The following NEBL variants were observed in gnomAD, a reference collection of about 807,000 sequenced individuals.
The protein encoded by NEBL is nebulette.
NEBL carries 122 observed loss-of-function variants against 140.2 expected under a neutral mutation model. The ratio of observed to expected loss-of-function variants is 0.87; its 90% CI spans 0.75 to 1.01. The LOEUF (loss-of-function observed/expected upper bound fraction) is 1.01, where lower values mean the gene tolerates loss of function less well. NEBL is among the 50% of genes least tolerant of loss of function. NEBL has a pLI of 0.00. For missense variants in NEBL, 1,365 were observed against 1,231.3 expected, an observed-to-expected ratio of 1.11 and a Z score of -1.62; for synonymous variants, 436 against 398.9, an observed-to-expected ratio of 1.09 and a Z score of -1.11.
At chr10:20,826,703 T>C (rs1454469034) in intron 17 of NEBL, among the ~76,000 whole-genome samples, 164 bp from the exon 18 acceptor site, 1 of 152,194 alleles carries the variant, frequency 6.6e-6, no homozygotes, top group African/African-American at 2.4e-5. Context: ...ATTCAGATAA[T>C]CCATGAAAAC....
intron 2 of NEBL, among the ~76,000 whole-genome samples, chr10:21,033,862 A>G (rs1833902563): frequency 6.6e-6 from 1 of 152,046 alleles, no homozygotes; most frequent in Non-Finnish European, 1.5e-5. Context: ...CTTCAAATAA[A>G]TTATTTCTTT....
At chr10:20,972,436 A>G (rs537632706) in intron 3 of NEBL, among the ~76,000 whole-genome samples, 2 of 152,328 alleles carry the variant, frequency 1.3e-5, no homozygotes, top group South Asian at 4.1e-4. Flanking sequence ...AAAGAGAAAA[A>G]GAAATACAAA....
upstream of NEBL, among the ~76,000 whole-genome samples, chr10:20,898,869 G>C (rs788974): frequency 0.88 from 133,800 of 152,176 alleles, 60,616 homozygotes; most frequent in Non-Finnish European, 0.99. Flanking sequence ...ATGACCGACT[G>C]CTTAGGGAAA....
At chr10:21,125,561 G>A (rs1205189942) in intron 2 of NEBL, among the ~76,000 whole-genome samples, 1 of 152,164 alleles carries the variant, frequency 6.6e-6, no homozygotes, top group Non-Finnish European at 1.5e-5. Flanking sequence ...AGAAGTGGAA[G>A]CCATCACTGT....
At chr10:21,029,528 C>A (rs3858203) in intron 2 of NEBL, 941,444 of 1,607,978 alleles carry the variant, frequency 0.59, 277,028 homozygotes, top group East Asian at 0.71. Context: ...GCACAGGATA[C>A]AGACAGGGAC....
In NEBL at chr10:20,897,179, T is replaced by C; in HGVS notation, c.27A>G (p.Ile9Met). 1.9e-6 allele frequency: 3 copies of C among 1,605,582 alleles called. No individual in the cohort carries two copies. The highest frequency in any genetic ancestry group is 2.6e-6 in the Non-Finnish European group (3 of 1,173,388). Residue 9 changes from isoleucine to methionine, a missense_variant, in exon 1 of 28, where the codon ATA (isoleucine) becomes ATG (methionine). Transcript: ENST00000377122. ...TCTTTTCTTCTTCAGTTTCATCTTT[T>C]ATATCCTCAAATACAGGGACCCTCA... The part of the protein sequence containing the change: MRVPVFED[I>M]KDETEEEKIG...
Position 20,805,671 on chromosome 10 carries a change from G to A in NEBL, c.2761+2839C>T, listed in dbSNP as rs371714152. On this transcript the variant is annotated intron_variant, in intron 26 of 27. Transcript: ENST00000377122. ...AGTTCAAGACCAGCCTGGCCAACAC[G>A]GTGAAACCCCATCTCTACTAAAAAT... Among the ~76,000 whole-genome samples the A allele has an allele frequency of 2.6e-4, 39 of 152,136 alleles. No homozygotes were observed. The South Asian group carries it at 3.7e-3, about 15-fold the overall frequency.
At chr10:20,921,866 C>A (rs1186935306) in intron 4 of NEBL, among the ~76,000 whole-genome samples, 3 of 152,146 alleles carry the variant, frequency 2.0e-5, no homozygotes, top group African/African-American at 7.2e-5. Context: ...CATCCACACA[C>A]TCACATTCAT....
intron 2 of NEBL, among the ~76,000 whole-genome samples, chr10:21,037,360 A>G (rs1404369922): frequency 6.6e-6 from 1 of 152,194 alleles, no homozygotes; most frequent in Non-Finnish European, 1.5e-5. Context: ...CCTGAAAACC[A>G]TTCAAGAGGA....
At chr10:21,183,062 C>T (rs1017103912) in intron 3 of NEBL, among the ~76,000 whole-genome samples, 3 of 152,158 alleles carry the variant, frequency 2.0e-5, no homozygotes, top group African/African-American at 7.2e-5. Context: ...GCAGGATTTG[C>T]ATCTGCTTAC....
At chr10:21,147,199 C>T (rs1189278821) in intron 2 of NEBL, among the ~76,000 whole-genome samples, 1 of 152,084 alleles carries the variant, frequency 6.6e-6, no homozygotes, top group Non-Finnish European at 1.5e-5. Context: ...AACCCCAACC[C>T]CACACACACT....
At chr10:20,964,061 G>C (rs1836180632) in intron 3 of NEBL, among the ~76,000 whole-genome samples, 1 of 152,184 alleles carries the variant, frequency 6.6e-6, no homozygotes, top group African/African-American at 2.4e-5. Context: ...TCAGTCATGT[G>C]TAGTCTGATT....
chr10:21,159,039 T>C (rs142744485), intron 2 of NEBL, among the ~76,000 whole-genome samples: 1 of 152,324 alleles, frequency 6.6e-6, no homozygotes, highest in East Asian at 1.9e-4. Context: ...CAGTGATCCA[T>C]CTTTTAAACT....
chr10:20,955,138 C>T (rs537929289), intron 4 of NEBL, among the ~76,000 whole-genome samples: 3 of 152,108 alleles, frequency 2.0e-5, no homozygotes, highest in Non-Finnish European at 4.4e-5. Context: ...GTAGGGAGGG[C>T]CCTAAATTAG....
upstream of NEBL, among the ~76,000 whole-genome samples, chr10:21,175,985 G>A (rs537905331): frequency 6.6e-6 from 1 of 151,536 alleles, no homozygotes; most frequent in Admixed American, 6.6e-5. Flanking sequence ...TTTAAGTTAT[G>A]TTTAATCTTT....
At chr10:20,941,709 T>G (rs1834879287) in intron 4 of NEBL, among the ~76,000 whole-genome samples, 1 of 151,914 alleles carries the variant, frequency 6.6e-6, no homozygotes, top group South Asian at 2.1e-4. Context: ...CAAAACCTCC[T>G]TAATTAAGCT....
chr10:21,236,240 A>T (rs957466090), intron 3 of NEBL, among the ~76,000 whole-genome samples: 2 of 152,210 alleles, frequency 1.3e-5, no homozygotes, highest in African/African-American at 2.4e-5. Flanking sequence ...AGAAATCTTT[A>T]AAAAGCCTAC....
chr10:20,808,973 A>C (rs561441851), intron 25 of NEBL, among the ~76,000 whole-genome samples: 7 of 152,344 alleles, frequency 4.6e-5, no homozygotes, highest in East Asian at 1.9e-4. Context: ...GTTTTCAATA[A>C]TTCCTTTAAA....
At chr10:20,938,930 G>T (rs1008791710) in intron 4 of NEBL, among the ~76,000 whole-genome samples, 1 of 152,102 alleles carries the variant, frequency 6.6e-6, no homozygotes, top group Admixed American at 6.5e-5. Context: ...AAGAAATATG[G>T]GACTATGTGA....
Sources: gnomAD v4.1 joint callset for allele counts (sites outside exome capture counted in the v4.1 genomes callset) on GRCh38, gnomAD v4.1.1 for gene constraint, MANE v1.5 for transcripts, NCBI Gene and HGNC (gene_info 2026-07-23, HGNC 2026-07-21) for gene names.